NRXN3: variants seen among roughly 807,000 people sequenced by gnomAD.
NRXN3 encodes neurexin III.
A neutral mutation model predicts 137.6 loss-of-function variants in NRXN3; 32 were observed. The ratio of observed to expected loss-of-function variants is 0.23; its 90% CI spans 0.18 to 0.31. NRXN3 has a LOEUF of 0.31. Ranked by LOEUF, NRXN3 falls within the 10% of genes least tolerant of loss-of-function variation. NRXN3 has a pLI of 1.00. For missense variants in NRXN3, 1,574 were observed against 2,062.5 expected (o/e 0.76, Z 4.59); for synonymous variants, 798 against 784.5 (o/e 1.02, Z -0.29).
intron 4 of NRXN3, among the ~76,000 whole-genome samples, chr14:78,594,355 T>C (rs959116014): frequency 6.6e-6 from 1 of 152,128 alleles, no homozygotes; most frequent in African/African-American, 2.4e-5. Context: ...AGGATCTGAG[T>C]TGTCATGTCT....
intron 15 of NRXN3, among the ~76,000 whole-genome samples, chr14:79,197,534 T>G (rs189038564): frequency 2.0e-5 from 3 of 151,818 alleles, no homozygotes; most frequent in Admixed American, 1.3e-4. Context: ...TCTTTTTCTT[T>G]TCTTACTGTA....
At chr14:78,722,859 T>C (rs1032988534) in intron 8 of NRXN3, among the ~76,000 whole-genome samples, 4 of 152,086 alleles carry the variant, frequency 2.6e-5, no homozygotes, top group Non-Finnish European at 5.9e-5. Flanking sequence ...AGAAATATCA[T>C]GGAAGGCATC....
intron 10 of NRXN3, among the ~76,000 whole-genome samples, chr14:78,927,150 C>CTTAAAAAA (rs546385554): frequency 9.0e-6 from 1 of 111,724 alleles, no homozygotes; most frequent in African/African-American, 3.4e-5. Context: ...GTGAGACCCT[C>CTTAAAAAA]AAAAAAAAAA....
intron 8 of NRXN3, among the ~76,000 whole-genome samples, chr14:78,777,163 T>A (rs937695939): frequency 2.6e-5 from 4 of 152,204 alleles, no homozygotes; most frequent in Non-Finnish European, 2.9e-5. Flanking sequence ...AGATCTTGCA[T>A]GCCTGTTCTC....
intron 16 of NRXN3, among the ~76,000 whole-genome samples, chr14:79,539,486 G>A (rs1011077282): frequency 4.3e-4 from 65 of 152,128 alleles, no homozygotes; most frequent in African/African-American, 1.4e-3. Context: ...TTCCAGGACA[G>A]GGCAATGTCT....
chr14:79,024,057 CA>C (rs1271497449), intron 15 of NRXN3, among the ~76,000 whole-genome samples: 1 of 151,982 alleles, frequency 6.6e-6, no homozygotes, highest in Non-Finnish European at 1.5e-5. Flanking sequence ...AAAGTACAAG[CA>C]AAGTTAAACG....
intron 15 of NRXN3, chr14:79,074,732 G>T (rs1181843020): frequency 2.0e-5 from 3 of 152,282 alleles, no homozygotes; most frequent in African/African-American, 7.2e-5. Flanking sequence ...AACTGAAACA[G>T]GGCTTCTCTT....
intron 15 of NRXN3, among the ~76,000 whole-genome samples, chr14:79,027,228 T>C (rs1039046054): frequency 1.3e-5 from 2 of 151,718 alleles, no homozygotes; most frequent in Admixed American, 6.6e-5. Flanking sequence ...CCCTACCAGA[T>C]GTTGGGAGGA....
At chr14:79,033,871 A>G (rs866408785) in intron 15 of NRXN3, among the ~76,000 whole-genome samples, 153 of 152,218 alleles carry the variant, frequency 1.0e-3, no homozygotes, top group African/African-American at 3.6e-3. Context: ...ATGGGCATCA[A>G]CCATCACAAG....
At chr14:78,272,692 C>A (rs563641458) in intron 2 of NRXN3, among the ~76,000 whole-genome samples, 4 of 152,278 alleles carry the variant, frequency 2.6e-5, no homozygotes, top group South Asian at 2.1e-4. Context: ...TAGATGGTTT[C>A]TGTCCTGGTT....
At chr14:79,653,996 T>C (rs1049112227) in intron 16 of NRXN3, among the ~76,000 whole-genome samples, 1 of 152,188 alleles carries the variant, frequency 6.6e-6, no homozygotes, top group Non-Finnish European at 1.5e-5. Flanking sequence ...TATGACTCAA[T>C]AAGCTGAAGT....
chr14:78,591,835 GC>G (rs2097120431), intron 4 of NRXN3, among the ~76,000 whole-genome samples: 2 of 152,142 alleles, frequency 1.3e-5, no homozygotes, highest in South Asian at 4.1e-4. Flanking sequence ...TTGCGCCATC[GC>G]CATTACTCTA....
At chr14:79,571,160 G>A (rs1449662262) in intron 16 of NRXN3, among the ~76,000 whole-genome samples, 4 of 152,176 alleles carry the variant, frequency 2.6e-5, no homozygotes, top group African/African-American at 9.7e-5. Context: ...CCCAATGGAT[G>A]CCTGCAATAT....
At chr14:79,431,024 C>G (rs528932364) in intron 15 of NRXN3, among the ~76,000 whole-genome samples, 1 of 152,314 alleles carries the variant, frequency 6.6e-6, no homozygotes, top group East Asian at 1.9e-4. Flanking sequence ...CATCCTCTCA[C>G]TGAGTACTAT....
chr14:79,258,268 G>C (rs1461922730), intron 15 of NRXN3, among the ~76,000 whole-genome samples: 1 of 152,140 alleles, frequency 6.6e-6, no homozygotes, highest in Non-Finnish European at 1.5e-5. Flanking sequence ...TGTGATCTCA[G>C]CTCACTGTTA....
intron 15 of NRXN3, among the ~76,000 whole-genome samples, chr14:79,441,642 A>T (rs892174946): frequency 6.6e-6 from 1 of 151,828 alleles, no homozygotes; most frequent in Non-Finnish European, 1.5e-5. Flanking sequence ...GGCCTCCCAA[A>T]GTGCTGGGAT....
intron 15 of NRXN3, among the ~76,000 whole-genome samples, chr14:79,317,230 C>A (rs934431867): frequency 5.3e-5 from 8 of 151,738 alleles, no homozygotes; most frequent in African/African-American, 1.9e-4. Context: ...GAGGCTACTT[C>A]TCAAAAAAGA....
intron 16 of NRXN3, among the ~76,000 whole-genome samples, chr14:79,483,782 TGG>T (rs1491300217): frequency 6.6e-6 from 1 of 152,054 alleles, no homozygotes; most frequent in African/African-American, 2.4e-5. Context: ...TGTGTGTGTG[TGG>T]GTGGGTGTGT....
chr14:79,546,364 T>G (rs987381586), intron 16 of NRXN3, among the ~76,000 whole-genome samples: 1 of 152,324 alleles, frequency 6.6e-6, no homozygotes. Context: ...ATGATGTTAC[T>G]ACTTCCTAAA....
Sources: allele counts gnomAD v4.1 joint callset (sites outside exome capture counted in the v4.1 genomes callset), GRCh38; gene constraint gnomAD v4.1.1; transcripts MANE v1.5; gene names NCBI Gene and HGNC (gene_info 2026-07-23, HGNC 2026-07-21).